Variants in POM121C observed in about 807,000 individuals in gnomAD.
POM121C encodes nuclear envelope pore membrane protein POM 121C.
POM121C carries 20 observed loss-of-function variants against 66.4 expected under a neutral mutation model. The observed-to-expected ratio is 0.30, with a 90% CI of 0.21 to 0.44. The LOEUF is 0.44. Among genes scored for constraint, POM121C ranks in the 20% least tolerant of loss-of-function variants. The pLI is 1.00. For missense variants in POM121C, 580 were observed against 1,225.7 expected (o/e 0.47, Z 7.87); for synonymous variants, 286 against 528.0 (o/e 0.54, Z 6.28).
At chr7:75,431,694 T>C (rs1304051207) in intron 7 of POM121C, among the ~76,000 whole-genome samples, 1 of 151,560 alleles carries the variant, frequency 6.6e-6, no homozygotes, top group Non-Finnish European at 1.5e-5. Flanking sequence ...CTCATGCCTG[T>C]AATCCCAGCA....
intron 3 of POM121C, among the ~76,000 whole-genome samples, chr7:75,456,811 C>G (rs370865450): frequency 3.3e-5 from 5 of 152,276 alleles, no homozygotes; most frequent in African/African-American, 4.8e-5. Flanking sequence ...TAAGCACACC[C>G]ATTACATTTC....
chr7:75,467,993 G>A (rs1791728473), intron 3 of POM121C, among the ~76,000 whole-genome samples: 1 of 151,872 alleles, frequency 6.6e-6, no homozygotes, highest in Non-Finnish European at 1.5e-5. Flanking sequence ...TTAGCCAGGT[G>A]TAGTGGTGGG....
chr7:75,452,378 T>C (rs1791049411), intron 3 of POM121C, among the ~76,000 whole-genome samples: 1 of 152,052 alleles, frequency 6.6e-6, no homozygotes, highest in Admixed American at 6.5e-5. Context: ...AAGAATCACT[T>C]GAACCTGGGA....
At chr7:75,456,194 G>A (rs1481460155) in intron 3 of POM121C, among the ~76,000 whole-genome samples, 17 of 152,152 alleles carry the variant, frequency 1.1e-4, no homozygotes, top group African/African-American at 3.6e-4. Flanking sequence ...AGGTATGATC[G>A]CTCCACTGCA....
At chr7:75,441,331 T>A (rs1350607186) in intron 4 of POM121C, 101 bp downstream of exon 4, 1 of 1,423,180 alleles carries the variant, frequency 7.0e-7, no homozygotes, top group Non-Finnish European at 9.6e-7. Flanking sequence ...AGCAGATTCG[T>A]CCTTTCTTTT....
At chr7:75,480,922 T>C (rs1443008638) in intron 1 of POM121C, among the ~76,000 whole-genome samples, 1 of 151,800 alleles carries the variant, frequency 6.6e-6, no homozygotes, top group African/African-American at 2.4e-5. Context: ...ATTCAATTAC[T>C]GTGCTATGGA....
intron 9 of POM121C, 73 bp downstream of exon 9, chr7:75,425,555 TCAATAGG>T: frequency 3.0e-6 from 4 of 1,313,746 alleles, no homozygotes; most frequent in African/African-American, 1.5e-5. Context: ...AGACCTTTTT[TCAATAGG>T]TATTAATCTC....
At chr7:75,420,135 T>G (rs1244992376) in intron 13 of POM121C, 1 of 152,278 alleles carries the variant, frequency 6.6e-6, no homozygotes, top group African/African-American at 2.4e-5. Context: ...CTTGGCTCAC[T>G]GGCTTCCTCC....
chr7:75,474,942 A>C, intron 2 of POM121C, 60 bp from the exon 3 acceptor site: 1 of 1,173,904 alleles, frequency 8.5e-7, no homozygotes, highest in Non-Finnish European at 1.3e-6. Flanking sequence ...TCAATGAAGA[A>C]TAATATAAAC....
At chr7:75,469,685 T>A (rs1791798013) in intron 3 of POM121C, among the ~76,000 whole-genome samples, 1 of 152,208 alleles carries the variant, frequency 6.6e-6, no homozygotes, top group Admixed American at 6.5e-5. Context: ...GACTCCCTAC[T>A]CCCTCTTGGA....
At chr7:75,449,362 CTCTCTT>C (rs1790942622) in intron 3 of POM121C, among the ~76,000 whole-genome samples, 1 of 147,676 alleles carries the variant, frequency 6.8e-6, no homozygotes, top group African/African-American at 2.5e-5. Flanking sequence ...CCACTGTTCT[CTCTCTT>C]TTTTTTTTTT....
chr7:75,484,347 A>C lies in POM121C; in HGVS notation c.-458+1517T>G, dbSNP rs200612992. The C allele has an allele frequency of 5.4e-4, 403 of 748,464 alleles. 3 individuals are homozygous for C. In the East Asian group the frequency reaches 9.3e-3, roughly 17 times the overall value. The allele number at this position is 748,464 out of a possible 1,614,324, so 46.4% of individuals were successfully genotyped here. A position where few individuals can be genotyped will look rare whatever the true frequency, so the allele number is the denominator to read the frequency against. Reference sequence around the variant, plus strand: ...GCATAAGAACCGCAAAAGAAAGCTCAATAGGCTAACACCCTGTGAACACTC... The same window carrying C: ...GCATAAGAACCGCAAAAGAAAGCTCCATAGGCTAACACCCTGTGAACACTC... On this transcript the variant is annotated intron_variant, in intron 1 of 14. Coordinates refer to ENST00000615331, the MANE Select transcript of POM121C (RefSeq NM_001099415.3).
At chr7:75,440,756 T>C (rs1554473811) in intron 5 of POM121C, 198 bp downstream of exon 5, 3 of 795,514 alleles carry the variant, frequency 3.8e-6, no homozygotes, top group East Asian at 5.1e-5. Context: ...AGGTAAATTA[T>C]GACATCGATC....
chr7:75,476,874 C>T (rs1463221167), intron 1 of POM121C, among the ~76,000 whole-genome samples: 12 of 151,514 alleles, frequency 7.9e-5, no homozygotes, highest in Non-Finnish European at 1.5e-5. Context: ...TATGATAAGC[C>T]ACTATAACAC....
chr7:75,429,271 A>G (rs1445786247), intron 7 of POM121C, among the ~76,000 whole-genome samples: 1 of 152,256 alleles, frequency 6.6e-6, no homozygotes, highest in Admixed American at 6.5e-5. Context: ...ATACAAAATC[A>G]GTTGTATTTC....
At chr7:75,468,770 CCAA>C (rs1791767991) in intron 3 of POM121C, among the ~76,000 whole-genome samples, 1 of 152,128 alleles carries the variant, frequency 6.6e-6, no homozygotes, top group South Asian at 2.1e-4. Context: ...GCCTATAATC[CCAA>C]CACTTTGGGA....
At chr7:75,419,134 C>T (rs1375818555) in intron 14 of POM121C, among the ~76,000 whole-genome samples, 186 bp downstream of exon 14, 12 of 152,188 alleles carry the variant, frequency 7.9e-5, no homozygotes, top group African/African-American at 2.4e-4. Flanking sequence ...ACTTCCACCC[C>T]GGACAGCTCC....
intron 7 of POM121C, among the ~76,000 whole-genome samples, chr7:75,433,545 G>C (rs776938633): frequency 6.6e-6 from 1 of 151,918 alleles, no homozygotes; most frequent in Non-Finnish European, 1.5e-5. Context: ...ATTCCTAATA[G>C]AGGCGGGGTT....
chr7:75,481,618 C>T (rs587698589), intron 1 of POM121C, among the ~76,000 whole-genome samples: 1 of 152,102 alleles, frequency 6.6e-6, no homozygotes, highest in South Asian at 2.1e-4. Flanking sequence ...TCACTTGAGC[C>T]CAGTTCAAGA....
Sources: gnomAD v4.1 joint callset for allele counts (sites outside exome capture counted in the v4.1 genomes callset) on GRCh38, gnomAD v4.1.1 for gene constraint, MANE v1.5 for transcripts, NCBI Gene and HGNC (gene_info 2026-07-23, HGNC 2026-07-21) for gene names.